SCN7A: variants seen among roughly 807,000 people sequenced by gnomAD.
SCN7A encodes sodium channel protein type 7 subunit alpha.
SCN7A carries 138 observed loss-of-function variants against 155.2 expected under a neutral mutation model. The observed-to-expected ratio is 0.89, with a 90% CI of 0.77 to 1.02. The LOEUF (loss-of-function observed/expected upper bound fraction) is 1.02, where lower values mean the gene tolerates loss of function less well. SCN7A is among the 50% of genes least tolerant of loss of function. The pLI is 0.00. For missense variants in SCN7A, 2,058 were observed against 1,986.6 expected, an observed-to-expected ratio of 1.04 and a Z score of -0.68; for synonymous variants, 693 against 649.0, an observed-to-expected ratio of 1.07 and a Z score of -1.03.
intron 15 of SCN7A, among the ~76,000 whole-genome samples, chr2:166,440,404 G>A (rs1039991328): frequency 3.9e-5 from 6 of 152,138 alleles, no homozygotes; most frequent in African/African-American, 1.4e-4. Flanking sequence ...GATTACGCTT[G>A]CATAGGTCTG....
At chr2:166,458,810 G>A (rs967271319) in intron 10 of SCN7A, among the ~76,000 whole-genome samples, 1 of 152,058 alleles carries the variant, frequency 6.6e-6, no homozygotes, top group Non-Finnish European at 1.5e-5. Flanking sequence ...GTTTGTGTAA[G>A]CACACTCTAT....
chr2:166,472,405 T>C lies in SCN7A; in HGVS notation c.484A>G (p.Lys162Glu). 1 of 1,606,794 alleles carries C rather than the reference T, an allele frequency of 6.2e-7. No individual in the cohort carries two copies. Residue 162 changes from lysine to glutamate, a missense_variant, in exon 6 of 26, where the codon AAA (lysine) becomes GAA (glutamate). By Grantham distance (56) the Lys-to-Glu change is moderately conservative. Transcript: ENST00000643258. ...LGIYTFEILV[K>E]LFARGVWAGS... is the part of the protein sequence containing the mutation. ...GCCCAGACACCTCTTGCAAAGAGTT[T>C]TACAAGTATTTCAAATGTGTAAATT... is the stretch of plus-strand genomic sequence containing the variant.
intron 24 of SCN7A, 38 bp downstream of exon 24, chr2:166,410,182 C>T: frequency 7.2e-7 from 1 of 1,393,596 alleles, no homozygotes. Flanking sequence ...TAAAGAACAC[C>T]TCCATTGAAG....
In SCN7A at chr2:166,447,651, A is replaced by G. The variant is rs771124759; in HGVS notation, c.1348T>C (p.Leu450=). Residue 450 remains leucine, a synonymous_variant, in exon 12 of 26, where the codon TTG becomes CTG. Transcript: ENST00000643258. ...KRSPISTDTS[L]DVLEDATLRH... ...AGAGTAGCATCTTCCAACACATCCA[A>G]TGATGTGTCTGTGGAAATTGGTGAC... 30 of 1,612,574 alleles carry G rather than the reference A, an allele frequency of 1.9e-5. No individual in the cohort carries two copies. Among genetic ancestry groups the G allele is most frequent in the East Asian group, 2.2e-5 (1 of 44,792 alleles).
chr2:166,439,912 G>A (rs1701921694), intron 15 of SCN7A, among the ~76,000 whole-genome samples: 2 of 152,144 alleles, frequency 1.3e-5, no homozygotes, highest in African/African-American at 4.8e-5. Flanking sequence ...AGGTAAAATT[G>A]AGTCTAACCT....
At chr2:166,416,504 A>G (rs1206768006) in intron 21 of SCN7A, among the ~76,000 whole-genome samples, 1 of 152,170 alleles carries the variant, frequency 6.6e-6, no homozygotes, top group Non-Finnish European at 1.5e-5. Context: ...CAGCTGGCCA[A>G]CACTTACGGA....
intron 2 of SCN7A, among the ~76,000 whole-genome samples, chr2:166,482,469 C>T (rs991859309): frequency 4.6e-5 from 7 of 151,934 alleles, no homozygotes; most frequent in Admixed American, 1.3e-4. Flanking sequence ...TTGCCACCCC[C>T]CAGCTATGAG....
At chr2:166,406,719 T>C in intron 25 of SCN7A, 73 bp from the exon 26 acceptor site, 1 of 1,006,708 alleles carries the variant, frequency 9.9e-7, no homozygotes, top group South Asian at 1.6e-5. Context: ...ATAAATTATT[T>C]TACACTTAAT....
At chr2:166,488,636 T>C (rs528198959) in intron 1 of SCN7A, among the ~76,000 whole-genome samples, 2 of 151,926 alleles carry the variant, frequency 1.3e-5, no homozygotes, top group South Asian at 2.1e-4. Flanking sequence ...CAGTTTCTTT[T>C]TTTTTTTTTA....
At chr2:166,428,538 T>C (rs972518348) in intron 17 of SCN7A, among the ~76,000 whole-genome samples, 1 of 152,004 alleles carries the variant, frequency 6.6e-6, no homozygotes, top group Non-Finnish European at 1.5e-5. Context: ...CTCTGCGCTC[T>C]GGCCAAAAGG....
chr2:166,419,361 CTTT>C (rs577713747), intron 20 of SCN7A, among the ~76,000 whole-genome samples: 5 of 134,742 alleles, frequency 3.7e-5, no homozygotes, highest in East Asian at 2.2e-4. Flanking sequence ...ATGTGGCTGT[CTTT>C]TTTTTTTTTT....
Position 166,425,884 on chromosome 2 carries a change from T to C in SCN7A, c.2853+1904A>G, listed in dbSNP as rs191868453. Among the ~76,000 whole-genome samples, 5 of 152,230 alleles carry C rather than the reference T, an allele frequency of 3.3e-5. No individual in the cohort carries two copies. In the East Asian group the frequency reaches 7.7e-4, roughly 24 times the overall value. On this transcript the variant is annotated intron_variant, in intron 18 of 25. Coordinates refer to ENST00000643258, the MANE Select transcript of SCN7A (RefSeq NM_002976.4). ...ATGTCATGGACATATTTGAGGACCA[T>C]TTATCAGCCTACAGGCTGGATCAAA...
At chr2:166,457,647 C>G (rs1055094214) in intron 10 of SCN7A, among the ~76,000 whole-genome samples, 9 of 152,082 alleles carry the variant, frequency 5.9e-5, no homozygotes, top group African/African-American at 2.2e-4. Context: ...GTCAAATTAT[C>G]CATTTACATG....
At chr2:166,433,430 G>A (rs1225088678) in intron 15 of SCN7A, among the ~76,000 whole-genome samples, 1 of 152,118 alleles carries the variant, frequency 6.6e-6, no homozygotes, top group Non-Finnish European at 1.5e-5. Context: ...ACCACAGTGT[G>A]TCAGGTGCTG....
chr2:166,482,295 C>T (rs926039867), intron 2 of SCN7A, among the ~76,000 whole-genome samples: 1 of 151,980 alleles, frequency 6.6e-6, no homozygotes, highest in Non-Finnish European at 1.5e-5. Flanking sequence ...AGGTTATAAA[C>T]TTCTTGCATG....
chr2:166,409,981 A>G lies in SCN7A; in HGVS notation c.3712-46T>C, dbSNP rs1186701647. ...TGTAATAGTCTTATTAATAGGATAC[A>G]TATACATATATATGGTCTTTTATAC... On this transcript the variant is annotated intron_variant, in intron 24 of 25. Transcript: ENST00000643258. 6 of 1,416,436 alleles carry G rather than the reference A, an allele frequency of 4.2e-6. No homozygotes were observed. The South Asian group carries it at 4.4e-5, about 10-fold the overall frequency. 87.7% of individuals were successfully genotyped at this position (1,416,436 alleles called of 1,614,324 possible). A position where few individuals can be genotyped will look rare whatever the true frequency, so the allele number is the denominator to read the frequency against.
At chr2:166,466,293 C>T (rs1702532545) in intron 7 of SCN7A, among the ~76,000 whole-genome samples, 3 of 152,010 alleles carry the variant, frequency 2.0e-5, no homozygotes, top group Non-Finnish European at 4.4e-5. Flanking sequence ...TCATACTAAC[C>T]TCCAGTGTTT....
chr2:166,418,731 C>T (rs1421411172), intron 20 of SCN7A, among the ~76,000 whole-genome samples: 4 of 152,020 alleles, frequency 2.6e-5, no homozygotes, highest in Non-Finnish European at 5.9e-5. Flanking sequence ...AAGAAAAATG[C>T]CATGTCTTTT....
At chr2:166,445,994 A>T (rs1702055458) in intron 12 of SCN7A, among the ~76,000 whole-genome samples, 1 of 152,116 alleles carries the variant, frequency 6.6e-6, no homozygotes, top group Non-Finnish European at 1.5e-5. Context: ...AAAACACCAA[A>T]AGCAATGACA....
Sources: allele counts gnomAD v4.1 joint callset (sites outside exome capture counted in the v4.1 genomes callset), GRCh38; gene constraint gnomAD v4.1.1; transcripts MANE v1.5; gene names NCBI Gene and HGNC (gene_info 2026-07-23, HGNC 2026-07-21).